YIPF4: variants seen among roughly 807,000 people sequenced by gnomAD.
YIPF4 encodes protein YIPF4.
A neutral mutation model predicts 29.4 loss-of-function variants in YIPF4; 18 were observed. The observed-to-expected ratio is 0.61, with a 90% CI of 0.42 to 0.91. YIPF4 has a LOEUF of 0.91. YIPF4 is among the 40% of genes least tolerant of loss of function. The pLI, the probability that YIPF4 is intolerant of heterozygous loss-of-function variation, is 0.00. For synonymous variants in YIPF4, 115 were observed against 104.7 expected (o/e 1.10, Z -0.60); for missense variants, 279 against 282.7 (o/e 0.99, Z 0.09).
rs2031822102 is a variant in YIPF4 at position 32,315,984 on chromosome 2, C to G, written c.*10358C>G. On this transcript the variant is annotated 3_prime_UTR_variant, in exon 6 of 6. Coordinates refer to ENST00000238831, the MANE Select transcript of YIPF4 (RefSeq NM_032312.4). ...TAGCTTGAGCCCAGGCGTTCAAGAC[C>G]TGCCTGGGCAATATAGCGAGACCCC... 6.8e-6 allele frequency: 1 copy of G among 148,062 alleles called. No individual in the cohort carries two copies. Among genetic ancestry groups the G allele is most frequent in the Admixed American group, 6.8e-5 (1 of 14,792 alleles). 9.2% of individuals were successfully genotyped at this position (148,062 alleles called of 1,614,324 possible). A position where few individuals can be genotyped will look rare whatever the true frequency, so the allele number is the denominator to read the frequency against.
At chr2:32,285,798 G>A (rs2030640073) in intron 1 of YIPF4, among the ~76,000 whole-genome samples, 1 of 151,946 alleles carries the variant, frequency 6.6e-6, no homozygotes, top group African/African-American at 2.4e-5. Context: ...TGGGATTACA[G>A]GTGCTCGCCA....
Position 32,315,951 on chromosome 2 carries a change from C to G in YIPF4, c.*10325C>G, listed in dbSNP as rs1382102750. 1.4e-5 allele frequency: 2 copies of G among 145,896 alleles called. No individual in the cohort carries two copies. Among genetic ancestry groups the G allele is most frequent in the South Asian group, 4.2e-4 (2 of 4,710 alleles). 9.0% of individuals were successfully genotyped at this position (145,896 alleles called of 1,614,324 possible). On this transcript the variant is annotated 3_prime_UTR_variant, in exon 6 of 6. Transcript: ENST00000238831. ...TCCCAGCTCTCAGGGAGGCAAGAGG[C>G]AGGAGCATAGCTTGAGCCCAGGCGT...
chr2:32,285,392 G>C (rs562075259), intron 1 of YIPF4, among the ~76,000 whole-genome samples: 1 of 152,202 alleles, frequency 6.6e-6, no homozygotes, highest in African/African-American at 2.4e-5. Context: ...TAGTGAAGAG[G>C]ACTGGACTCA....
At position 32,309,681 on chromosome 2, in the gene YIPF4, C is replaced by CTTTTTTTTT. The variant is rs200229465; in HGVS notation, c.*4072_*4080dup. ...TTTTAGGCTTTAGGGAATTGTGACCCTTTTTTTTTTTTTTTTTTTTTTTTT... is the reference window on the plus strand; with the variant it reads ...TTTTAGGCTTTAGGGAATTGTGACCCTTTTTTTTTTTTTTTTTTTTTTTTTTTTTTTTTT... On this transcript the variant is annotated 3_prime_UTR_variant, in exon 6 of 6. Transcript: ENST00000238831. The CTTTTTTTTT allele has an allele frequency of 4.3e-5, 5 of 116,268 alleles. No individual in the cohort carries two copies. Among genetic ancestry groups the CTTTTTTTTT allele is most frequent in the African/African-American group, 7.0e-5 (2 of 28,776 alleles). The allele number at this position is 116,268 out of a possible 1,614,324, so 7.2% of individuals were successfully genotyped here.
At position 32,314,587 on chromosome 2, in the gene YIPF4, C is replaced by T. The variant is rs1400282633; in HGVS notation, c.*8961C>T. 5 of 152,220 alleles carry T rather than the reference C, an allele frequency of 3.3e-5. No homozygotes were observed. The highest frequency in any genetic ancestry group is 3.4e-3 in the Middle Eastern group (1 of 296). The allele number at this position is 152,220 out of a possible 1,614,324, so 9.4% of individuals were successfully genotyped here. A position where few individuals can be genotyped will look rare whatever the true frequency, so the allele number is the denominator to read the frequency against. ...ACTCTGGAGGCTGAGACAGGAGAATCGCTTGAACCTGGGAGGTGGAGAGTG... is the reference window on the plus strand; with the variant it reads ...ACTCTGGAGGCTGAGACAGGAGAATTGCTTGAACCTGGGAGGTGGAGAGTG... On this transcript the variant is annotated 3_prime_UTR_variant, in exon 6 of 6. Transcript: ENST00000238831.
chr2:32,281,568 T>G (rs2030415452), intron 1 of YIPF4, among the ~76,000 whole-genome samples: 1 of 152,086 alleles, frequency 6.6e-6, no homozygotes, highest in Admixed American at 6.6e-5. Flanking sequence ...AGACTCCCAG[T>G]GAGCTTTATT....
At chr2:32,295,266 G>A (rs1462180252) in intron 3 of YIPF4, among the ~76,000 whole-genome samples, 2 of 152,054 alleles carry the variant, frequency 1.3e-5, no homozygotes, top group African/African-American at 2.4e-5. Flanking sequence ...CAAATTTAAG[G>A]CTTTGAAGGA....
At chr2:32,295,388 A>C (rs182106438) in intron 3 of YIPF4, among the ~76,000 whole-genome samples, 11 of 152,306 alleles carry the variant, frequency 7.2e-5, no homozygotes, top group African/African-American at 2.6e-4. Context: ...TTATTATTTT[A>C]CGGTTCTGGA....
rs1303711524 is a variant in YIPF4, at chr2:32,316,233, A to G, written c.*10607A>G. 1 of 152,162 alleles carries G rather than the reference A, an allele frequency of 6.6e-6. No homozygotes were observed. The highest frequency in any genetic ancestry group is 1.5e-5 in the Non-Finnish European group (1 of 68,024). The allele number at this position is 152,162 out of a possible 1,614,324, so 9.4% of individuals were successfully genotyped here. A position where few individuals can be genotyped will look rare whatever the true frequency, so the allele number is the denominator to read the frequency against. ...ATTTATCAGTAAATTTAAATGGGCA[A>G]AGGAAATACTTGGACAATCATATCA... On this transcript the variant is annotated 3_prime_UTR_variant, in exon 6 of 6. Transcript: ENST00000238831.
At chr2:32,281,969 C>CG (rs1304793374) in intron 1 of YIPF4, among the ~76,000 whole-genome samples, 2 of 150,170 alleles carry the variant, frequency 1.3e-5, no homozygotes, top group African/African-American at 4.9e-5. Context: ...GTCAGCTACT[C>CG]TGAGTCTCAC....
intron 1 of YIPF4, 152 bp downstream of exon 1, chr2:32,278,386 A>T (rs2030210362): frequency 1.4e-6 from 1 of 709,220 alleles, no homozygotes. Flanking sequence ...GGGCCTTCCG[A>T]GAGGCCCCGA....
chr2:32,301,335 G>GT, intron 4 of YIPF4, 47 bp from the exon 5 acceptor site: 2 of 1,190,718 alleles, frequency 1.7e-6, no homozygotes, highest in Non-Finnish European at 2.5e-6. Flanking sequence ...ATTAAAATGA[G>GT]TATCTTGATT....
chr2:32,280,383 A>ATT (rs1223011054), intron 1 of YIPF4, among the ~76,000 whole-genome samples: 5 of 123,932 alleles, frequency 4.0e-5, no homozygotes, highest in Admixed American at 8.4e-5. Flanking sequence ...GCCCAGGCTA[A>ATT]TTTTTTTTTT....
At position 32,311,337 on chromosome 2, in the gene YIPF4, G is replaced by C. The variant is rs1233750545; in HGVS notation, c.*5711G>C. ...TTATTAAACATGAAATTTAGGATTA[G>C]TTTTCTCTTTGAAAATTCTTTTGAT... On this transcript the variant is annotated 3_prime_UTR_variant, in exon 6 of 6. Coordinates refer to ENST00000238831, the MANE Select transcript of YIPF4 (RefSeq NM_032312.4). The C allele has an allele frequency of 2.0e-5, 3 of 152,296 alleles. No homozygotes were observed. The East Asian group carries it at 5.8e-4, about 29-fold the overall frequency. The allele number at this position is 152,296 out of a possible 1,614,324, so 9.4% of individuals were successfully genotyped here.
At chr2:32,282,264 CA>C (rs374216530) in intron 1 of YIPF4, among the ~76,000 whole-genome samples, 1 of 152,006 alleles carries the variant, frequency 6.6e-6, no homozygotes, top group Non-Finnish European at 1.5e-5. Context: ...CACCCCATCT[CA>C]AAAAAACAAA....
intron 1 of YIPF4, among the ~76,000 whole-genome samples, chr2:32,287,218 C>T (rs147387587): frequency 2.0e-3 from 311 of 152,252 alleles, no homozygotes; most frequent in African/African-American, 7.1e-3. Context: ...GCACTCCAGC[C>T]TGGACAAGAG....
chr2:32,288,383 G>C (rs1008237524), intron 1 of YIPF4, among the ~76,000 whole-genome samples: 1 of 152,134 alleles, frequency 6.6e-6, no homozygotes, highest in South Asian at 2.1e-4. Flanking sequence ...TTTAGATTAA[G>C]GACTTTAAGT....
intron 1 of YIPF4, among the ~76,000 whole-genome samples, chr2:32,284,775 C>T (rs1573526262): frequency 1.3e-5 from 2 of 152,052 alleles, no homozygotes; most frequent in African/African-American, 4.8e-5. Context: ...GAGGAAACAG[C>T]CTGGCACAAG....
intron 1 of YIPF4, among the ~76,000 whole-genome samples, chr2:32,283,634 C>A (rs548254177): frequency 1.6e-3 from 247 of 152,250 alleles, no homozygotes; most frequent in Middle Eastern, 3.4e-3. Flanking sequence ...TTTCTATACC[C>A]CAGTACCTAT....
Sources: gnomAD v4.1 joint callset for allele counts (sites outside exome capture counted in the v4.1 genomes callset) on GRCh38, gnomAD v4.1.1 for gene constraint, MANE v1.5 for transcripts, NCBI Gene and HGNC (gene_info 2026-07-23, HGNC 2026-07-21) for gene names.